The following DSCAM variants were observed in gnomAD, a reference collection of about 807,000 sequenced individuals.
The protein encoded by DSCAM is DS cell adhesion molecule.
DSCAM carries 47 observed loss-of-function variants against 217.7 expected under a neutral mutation model. That is an observed-to-expected ratio of 0.22 (90% CI 0.17 to 0.28). The LOEUF (loss-of-function observed/expected upper bound fraction) is 0.28, where lower values mean the gene tolerates loss of function less well. Among genes scored for constraint, DSCAM ranks in the 10% least tolerant of loss-of-function variants. The pLI is 1.00. For missense variants in DSCAM, 2,080 were observed against 2,618.3 expected, an observed-to-expected ratio of 0.79 and a Z score of 4.49; for synonymous variants, 1,056 against 1,015.3, an observed-to-expected ratio of 1.04 and a Z score of -0.76.
chr21:40,028,286 G>A (rs1189769257), intron 32 of DSCAM, among the ~76,000 whole-genome samples: 1 of 110,202 alleles, frequency 9.1e-6, no homozygotes. Context: ...AGGGACATTT[G>A]AGTCTGCAGA....
chr21:40,125,182 CT>C (rs1262784693), intron 19 of DSCAM, among the ~76,000 whole-genome samples: 2 of 152,136 alleles, frequency 1.3e-5, no homozygotes, highest in Non-Finnish European at 2.9e-5. Flanking sequence ...ACAAACTCTC[CT>C]CTGTAAACCA....
At chr21:40,164,790 A>T (rs148158090) in intron 16 of DSCAM, among the ~76,000 whole-genome samples, 1 of 151,760 alleles carries the variant, frequency 6.6e-6, no homozygotes, top group African/African-American at 2.4e-5. Flanking sequence ...CGACAGAGTG[A>T]GACTCTGTCT....
Position 40,178,790 on chromosome 21 carries a change from C to T in DSCAM, c.2947+137G>A, listed in dbSNP as rs954878042. 140 of 1,012,110 alleles carry T rather than the reference C, an allele frequency of 1.4e-4. 1 individual carries two copies. The highest frequency in any genetic ancestry group is 4.2e-5 in the Non-Finnish European group (29 of 698,332). The allele number at this position is 1,012,110 out of a possible 1,614,324, so 62.7% of individuals were successfully genotyped here. ...AGCGCTGTCTGCGTTTTTTATAGGG[C>T]ACAGAACTACGGAGAGCACGCATCA... On this transcript the variant is annotated intron_variant, in intron 15 of 32. Coordinates refer to ENST00000400454, the MANE Select transcript of DSCAM (RefSeq NM_001389.5).
At position 40,616,789 on chromosome 21, in the gene DSCAM, G is replaced by A. The variant is rs564490288; in HGVS notation, c.508+76021C>T. ...TCCCAGCACTTTGGGAGGCCGAGGC[G>A]AGCGGATCACGAGGTCAGGAGATCG... On this transcript the variant is annotated intron_variant, in intron 3 of 32. Coordinates refer to ENST00000400454, the MANE Select transcript of DSCAM (RefSeq NM_001389.5). Among the ~76,000 whole-genome samples, 33 of 152,112 alleles carry A rather than the reference G, an allele frequency of 2.2e-4. No individual in the cohort carries two copies. In the East Asian group the frequency reaches 6.2e-3, roughly 29 times the overall value.
At chr21:40,413,481 G>C (rs1454928029) in intron 3 of DSCAM, among the ~76,000 whole-genome samples, 1 of 152,198 alleles carries the variant, frequency 6.6e-6, no homozygotes, top group Non-Finnish European at 1.5e-5. Context: ...GGAGCTTTAA[G>C]ATTTGACTGC....
rs4596060 is a variant in DSCAM at position 40,399,272 on chromosome 21, A to G, written c.509-30027T>C. Reference sequence around the variant, plus strand: ...GTGACAGAGGAAGACCCTGTCTCACAAAACAAAACAAAACAAAACAAAACA... The same window carrying G: ...GTGACAGAGGAAGACCCTGTCTCACGAAACAAAACAAAACAAAACAAAACA... On this transcript the variant is annotated intron_variant, in intron 3 of 32. Coordinates refer to ENST00000400454, the MANE Select transcript of DSCAM (RefSeq NM_001389.5). Among the ~76,000 whole-genome samples the G allele has an allele frequency of 4.9e-3, 471 of 97,106 alleles. 4 individuals are homozygous for G. The highest frequency in any genetic ancestry group is 0.02 in the African/African-American group (332 of 16,882). 63.7% of individuals were successfully genotyped at this position (97,106 alleles called of 152,430 possible).
intron 9 of DSCAM, among the ~76,000 whole-genome samples, chr21:40,303,660 A>G (rs1190746139): frequency 1.3e-5 from 2 of 152,198 alleles, no homozygotes; most frequent in African/African-American, 2.4e-5. Flanking sequence ...TATAAAACAA[A>G]TATTTAAGAA....
At chr21:40,640,959 GGAAA>G (rs1217005336) in intron 3 of DSCAM, among the ~76,000 whole-genome samples, 1 of 152,008 alleles carries the variant, frequency 6.6e-6, no homozygotes, top group Non-Finnish European at 1.5e-5. Flanking sequence ...TCCTACTTTC[GGAAA>G]GAAATATAAA....
chr21:40,806,265 A>G (rs2091786283), intron 1 of DSCAM, among the ~76,000 whole-genome samples: 1 of 152,158 alleles, frequency 6.6e-6, no homozygotes, highest in African/African-American at 2.4e-5. Flanking sequence ...GAATGCTGCC[A>G]TTATTGACGT....
intron 1 of DSCAM, among the ~76,000 whole-genome samples, chr21:40,806,698 T>A (rs1035578455): frequency 6.6e-6 from 1 of 152,144 alleles, no homozygotes; most frequent in Non-Finnish European, 1.5e-5. Context: ...TAGCAAATAC[T>A]TGGAACCAAC....
At chr21:40,298,440 C>T (rs1438165409) in intron 9 of DSCAM, among the ~76,000 whole-genome samples, 1 of 151,986 alleles carries the variant, frequency 6.6e-6, no homozygotes, top group Non-Finnish European at 1.5e-5. Context: ...ATTTACACAG[C>T]CAATGGGTTT....
intron 3 of DSCAM, among the ~76,000 whole-genome samples, chr21:40,459,846 T>G (rs1024505995): frequency 2.0e-5 from 3 of 151,700 alleles, no homozygotes; most frequent in Non-Finnish European, 4.4e-5. Flanking sequence ...AAGGTAGCAA[T>G]CGGTAGGAAA....
chr21:40,105,702 G>T (rs956235007), intron 20 of DSCAM, among the ~76,000 whole-genome samples: 3 of 152,032 alleles, frequency 2.0e-5, no homozygotes, highest in Admixed American at 2.0e-4. Context: ...CTGTGAATAG[G>T]ATAACAGGGA....
At chr21:40,484,045 C>A (rs2837657) in intron 3 of DSCAM, among the ~76,000 whole-genome samples, 103,049 of 152,046 alleles carry the variant, frequency 0.68, 35,421 homozygotes, top group African/African-American at 0.8. Flanking sequence ...TGTAGGTCCT[C>A]GGCAACAAAA....
intron 1 of DSCAM, among the ~76,000 whole-genome samples, chr21:40,717,003 A>C (rs1183571990): frequency 6.6e-6 from 1 of 152,234 alleles, no homozygotes; most frequent in Non-Finnish European, 1.5e-5. Context: ...GAGGAAAGAA[A>C]AGTACATTCT....
rs2089532739 is a variant in DSCAM at position 40,086,443 on chromosome 21, TAC to T, written c.3969-680_3969-679del. ...GGTCACTAAACCAAACCATTATTTC[TAC>T]AGTTTGGTCACTACACCAAGCCATT... On this transcript the variant is annotated intron_variant, in intron 22 of 32. Transcript: ENST00000400454. 3.3e-5 allele frequency among the ~76,000 whole-genome samples: 5 copies of T among 152,318 alleles called. No individual in the cohort carries two copies. The South Asian group carries it at 1.0e-3, about 32-fold the overall frequency.
chr21:40,539,172 C>T (rs935731850), intron 3 of DSCAM, among the ~76,000 whole-genome samples: 1 of 152,230 alleles, frequency 6.6e-6, no homozygotes, highest in Admixed American at 6.5e-5. Context: ...ATGTCCACAC[C>T]GGGTCCACCA....
At chr21:40,543,326 G>A (rs1165056272) in intron 3 of DSCAM, among the ~76,000 whole-genome samples, 2 of 152,142 alleles carry the variant, frequency 1.3e-5, no homozygotes, top group Non-Finnish European at 2.9e-5. Flanking sequence ...ATGGGGACAA[G>A]AAATGTTATG....
chr21:40,301,665 G>A (rs536516218), intron 9 of DSCAM, among the ~76,000 whole-genome samples: 3 of 114,190 alleles, frequency 2.6e-5, no homozygotes, highest in Non-Finnish European at 4.9e-5. Flanking sequence ...TGCATGCTAT[G>A]AGAACAAGAA....
Sources: gnomAD v4.1 joint callset for allele counts (sites outside exome capture counted in the v4.1 genomes callset) on GRCh38, gnomAD v4.1.1 for gene constraint, MANE v1.5 for transcripts, NCBI Gene and HGNC (gene_info 2026-07-23, HGNC 2026-07-21) for gene names.